SEC11A: variants seen among roughly 807,000 people sequenced by gnomAD.
SEC11A encodes the protein signal peptidase complex catalytic subunit SEC11A.
Under a neutral mutation model 25.6 loss-of-function variants are expected in SEC11A, and 14 were observed. The ratio of observed to expected loss-of-function variants is 0.55; its 90% CI spans 0.36 to 0.85. The LOEUF (loss-of-function observed/expected upper bound fraction) is 0.85, where lower values mean the gene tolerates loss of function less well. Ranked by LOEUF, SEC11A falls within the 40% of genes least tolerant of loss-of-function variation. The probability of loss-of-function intolerance (pLI) is 0.01; values close to 1 mark genes in which losing one functional copy is unlikely to be tolerated. For missense variants in SEC11A, 153 were observed against 222.9 expected, an observed-to-expected ratio of 0.69 and a Z score of 2.00; for synonymous variants, 83 against 76.4, an observed-to-expected ratio of 1.09 and a Z score of -0.45.
intron 1 of SEC11A, among the ~76,000 whole-genome samples, chr15:84,699,794 A>G (rs1470153177): frequency 6.6e-6 from 1 of 151,872 alleles, no homozygotes; most frequent in Admixed American, 6.6e-5. Flanking sequence ...ACACACACAC[A>G]CAAAAAAAAG....
At chr15:84,693,831 C>G (rs553252186) in intron 1 of SEC11A, among the ~76,000 whole-genome samples, 1 of 152,166 alleles carries the variant, frequency 6.6e-6, no homozygotes, top group African/African-American at 2.4e-5. Context: ...ACAGGAGATG[C>G]ATATTAGTAG....
At chr15:84,711,754 G>A (rs972161086) in intron 1 of SEC11A, among the ~76,000 whole-genome samples, 110 of 145,314 alleles carry the variant, frequency 7.6e-4, no homozygotes, top group African/African-American at 2.8e-3. Flanking sequence ...TCCAGCCTGG[G>A]TGACAGAATA....
chr15:84,679,726 A>G (rs1361520123), intron 4 of SEC11A, among the ~76,000 whole-genome samples: 1 of 152,220 alleles, frequency 6.6e-6, no homozygotes, highest in Non-Finnish European at 1.5e-5. Context: ...ATAATCTTAG[A>G]TACATAACCT....
At chr15:84,688,354 G>A (rs34028043) in intron 2 of SEC11A, among the ~76,000 whole-genome samples, 30,604 of 152,142 alleles carry the variant, frequency 0.2, 3,874 homozygotes, top group Middle Eastern at 0.36. Context: ...GGAATAAGCA[G>A]AGATTTTTGC....
chr15:84,677,720 G>A (rs575249779), intron 4 of SEC11A, among the ~76,000 whole-genome samples: 5 of 152,132 alleles, frequency 3.3e-5, no homozygotes, highest in East Asian at 3.9e-4. Flanking sequence ...TGATCCGCCC[G>A]CCTCAGCCGC....
chr15:84,691,512 G>T, intron 2 of SEC11A, 23 bp downstream of exon 2: 1 of 1,328,054 alleles, frequency 7.5e-7, no homozygotes, highest in Non-Finnish European at 1.1e-6. Context: ...GCAATTCCAT[G>T]CCTTGAAAGG....
chr15:84,703,692 T>C (rs1039900712), intron 1 of SEC11A, among the ~76,000 whole-genome samples: 2 of 152,180 alleles, frequency 1.3e-5, no homozygotes, highest in East Asian at 3.8e-4. Context: ...TAGATTTACA[T>C]TGATTCAAAA....
intron 1 of SEC11A, among the ~76,000 whole-genome samples, chr15:84,699,707 T>C (rs1393245099): frequency 6.6e-6 from 1 of 151,888 alleles, no homozygotes; most frequent in Non-Finnish European, 1.5e-5. Context: ...GGAGGATAGC[T>C]TGAGCCCAGG....
intron 4 of SEC11A, chr15:84,679,206 T>G (rs755001525): frequency 9.6e-7 from 1 of 1,040,480 alleles, no homozygotes; most frequent in South Asian, 1.4e-5. Context: ...TCAAAGAGAT[T>G]GGAGAGTTTA....
Position 84,687,475 on chromosome 15 carries a change from T to C in SEC11A, c.311+150A>G, listed in dbSNP as rs190329307. 10 of 532,426 alleles carry C rather than the reference T, an allele frequency of 1.9e-5. No homozygotes were observed. The East Asian group carries it at 2.8e-4, about 15-fold the overall frequency. The allele number at this position is 532,426 out of a possible 1,614,324, so 33.0% of individuals were successfully genotyped here. On this transcript the variant is annotated intron_variant, in intron 3 of 5. Coordinates refer to ENST00000268220, the MANE Select transcript of SEC11A (RefSeq NM_014300.4). ...ATAATTATTTACAGTTTTCAAAATG[T>C]TCACTAAACTTTCCAGCATTCATAA...
chr15:84,675,553 G>C (rs1897111868), intron 4 of SEC11A, among the ~76,000 whole-genome samples: 1 of 152,188 alleles, frequency 6.6e-6, no homozygotes, highest in Non-Finnish European at 1.5e-5. Context: ...CTTGTTTCAA[G>C]TAAGAAGTAC....
At chr15:84,702,120 T>C (rs531477262) in intron 1 of SEC11A, among the ~76,000 whole-genome samples, 4 of 151,524 alleles carry the variant, frequency 2.6e-5, no homozygotes, top group African/African-American at 9.7e-5. Flanking sequence ...ATCATGAGAA[T>C]GTAAAAATTC....
intron 4 of SEC11A, chr15:84,673,867 C>A (rs1306223963): frequency 6.6e-6 from 1 of 152,030 alleles, no homozygotes; most frequent in African/African-American, 2.4e-5. Context: ...CGAGATTGTG[C>A]CACTACATGC....
intron 1 of SEC11A, among the ~76,000 whole-genome samples, chr15:84,700,593 C>CAAAAAAAA (rs776113920): frequency 3.0e-4 from 11 of 36,100 alleles, no homozygotes; most frequent in Non-Finnish European, 3.5e-4. Context: ...GACTCTGTCT[C>CAAAAAAAA]AAAAAAAAAA....
chr15:84,713,167 C>G (rs1416609362), intron 1 of SEC11A, among the ~76,000 whole-genome samples: 1 of 145,418 alleles, frequency 6.9e-6, no homozygotes, highest in African/African-American at 2.6e-5. Flanking sequence ...GCACTCCAGC[C>G]TGGGCAACAG....
intron 3 of SEC11A, among the ~76,000 whole-genome samples, chr15:84,683,829 T>C (rs1897343909): frequency 6.6e-6 from 1 of 152,178 alleles, no homozygotes; most frequent in South Asian, 2.1e-4. Flanking sequence ...CTGATCTTAC[T>C]AGACCTATTA....
At chr15:84,676,008 G>A (rs1897123389) in intron 4 of SEC11A, among the ~76,000 whole-genome samples, 1 of 152,146 alleles carries the variant, frequency 6.6e-6, no homozygotes, top group African/African-American at 2.4e-5. Context: ...AGTAGAGGAT[G>A]GGGAGTGACT....
rs376984623 is a variant in SEC11A, at chr15:84,700,957, C to G, written c.52-9313G>C. On this transcript the variant is annotated intron_variant, in intron 1 of 5. Transcript: ENST00000268220. ...ATCACGCCATTGCATGTACTCCTAC[C>G]TGGGCAACAAGAGCGAAACTCCATA... Among the ~76,000 whole-genome samples, 7 of 131,892 alleles carry G rather than the reference C, an allele frequency of 5.3e-5. No individual in the cohort carries two copies. The East Asian group carries it at 1.2e-3, about 22-fold the overall frequency. The allele number at this position is 131,892 out of a possible 152,430, so 86.5% of individuals were successfully genotyped here.
chr15:84,669,854 C>T lies in SEC11A; in HGVS notation c.*165G>A, dbSNP rs868076282. On this transcript the variant is annotated 3_prime_UTR_variant, in exon 6 of 6. Coordinates refer to ENST00000268220, the MANE Select transcript of SEC11A (RefSeq NM_014300.4). ...GTGCACTCTGTGGTGCACATGCGCC[C>T]GCCCACACAAACTCTGGCATGGAAA... 21 of 1,319,768 alleles carry T rather than the reference C, an allele frequency of 1.6e-5. No individual in the cohort carries two copies. The Middle Eastern group carries it at 6.0e-4, about 38-fold the overall frequency. The allele number at this position is 1,319,768 out of a possible 1,614,324, so 81.8% of individuals were successfully genotyped here. A position where few individuals can be genotyped will look rare whatever the true frequency, so the allele number is the denominator to read the frequency against.
Sources: allele counts gnomAD v4.1 joint callset (sites outside exome capture counted in the v4.1 genomes callset), GRCh38; gene constraint gnomAD v4.1.1; transcripts MANE v1.5; gene names NCBI Gene and HGNC (gene_info 2026-07-23, HGNC 2026-07-21).